Variants in PEX5L observed in about 807,000 individuals in gnomAD.
The protein encoded by PEX5L is peroxisomal biogenesis factor 5 like.
PEX5L carries 30 observed loss-of-function variants against 84.0 expected under a neutral mutation model. That is an observed-to-expected ratio of 0.36 (90% CI 0.27 to 0.48). The LOEUF is 0.48. Ranked by LOEUF, PEX5L falls within the 20% of genes least tolerant of loss-of-function variation. The pLI is 0.99. For synonymous variants in PEX5L, 270 were observed against 283.1 expected, an observed-to-expected ratio of 0.95 and a Z score of 0.46; for missense variants, 533 against 754.6, an observed-to-expected ratio of 0.71 and a Z score of 3.44.
intron 2 of PEX5L, chr3:179,921,606 C>T (rs1332161422): frequency 1.3e-5 from 2 of 152,138 alleles, no homozygotes; most frequent in African/African-American, 2.4e-5. Flanking sequence ...GAGAGACATA[C>T]GTTATCTAAG....
At chr3:179,991,873 G>A (rs1018280406) in intron 1 of PEX5L, among the ~76,000 whole-genome samples, 4 of 152,070 alleles carry the variant, frequency 2.6e-5, no homozygotes, top group African/African-American at 7.2e-5. Flanking sequence ...ACATAACAAA[G>A]TATATTTTCT....
At chr3:179,885,926 C>T (rs893940142) in intron 4 of PEX5L, among the ~76,000 whole-genome samples, 13 of 152,176 alleles carry the variant, frequency 8.5e-5, no homozygotes, top group African/African-American at 3.1e-4. Flanking sequence ...TACTTTGTCA[C>T]AGCAGCCCTA....
At chr3:179,822,865 A>C (rs774276418) in intron 8 of PEX5L, among the ~76,000 whole-genome samples, 7 of 152,228 alleles carry the variant, frequency 4.6e-5, no homozygotes, top group Non-Finnish European at 1.0e-4. Context: ...GATATGCAGC[A>C]TGGTGGTTAA....
At chr3:179,972,182 A>C (rs893384071) in intron 1 of PEX5L, among the ~76,000 whole-genome samples, 6 of 152,168 alleles carry the variant, frequency 3.9e-5, no homozygotes, top group African/African-American at 1.4e-4. Flanking sequence ...CATTGGAAAA[A>C]CCAACTCAGA....
chr3:179,985,976 T>C (rs1786775076), intron 1 of PEX5L, among the ~76,000 whole-genome samples: 1 of 152,116 alleles, frequency 6.6e-6, no homozygotes, highest in Admixed American at 6.5e-5. Context: ...TCAGGGGCTA[T>C]ACTGGTAAGA....
intron 2 of PEX5L, among the ~76,000 whole-genome samples, chr3:179,901,143 C>T (rs1238638716): frequency 6.6e-6 from 1 of 152,120 alleles, no homozygotes; most frequent in Non-Finnish European, 1.5e-5. Flanking sequence ...GGGCTGATGA[C>T]AATATAACTG....
intron 2 of PEX5L, among the ~76,000 whole-genome samples, chr3:179,962,549 A>C (rs575304937): frequency 6.6e-6 from 1 of 152,318 alleles, no homozygotes; most frequent in South Asian, 2.1e-4. Context: ...TCCCCTATTA[A>C]GGTGACTAGA....
At chr3:179,963,228 C>A (rs867694253) in intron 2 of PEX5L, among the ~76,000 whole-genome samples, 2 of 95,338 alleles carry the variant, frequency 2.1e-5, no homozygotes, top group South Asian at 9.0e-4. Context: ...AATGCTAGAA[C>A]CTTGTTTACT....
chr3:180,012,225 G>T (rs941961385), intron 1 of PEX5L, among the ~76,000 whole-genome samples: 3 of 151,810 alleles, frequency 2.0e-5, no homozygotes, highest in Non-Finnish European at 4.4e-5. Flanking sequence ...TGAAGAACAG[G>T]GTTCCTAATT....
rs566078586 is a variant in PEX5L, at chr3:179,920,426, A to G, written c.94-22180T>C. Among the ~76,000 whole-genome samples, 4 of 152,312 alleles carry G rather than the reference A, an allele frequency of 2.6e-5. No individual in the cohort carries two copies. The South Asian group carries it at 8.3e-4, about 32-fold the overall frequency. On this transcript the variant is annotated intron_variant, in intron 2 of 14. Coordinates refer to ENST00000467460, the MANE Select transcript of PEX5L (RefSeq NM_016559.3). ...CTTTAAGTGAGGATCTGAAACATCT[A>G]TTTTTGTGATGCAGAGTTTAAATCA...
chr3:179,998,609 G>A (rs185608988), intron 1 of PEX5L, among the ~76,000 whole-genome samples: 15 of 152,266 alleles, frequency 9.9e-5, no homozygotes, highest in Admixed American at 3.3e-4. Context: ...GAAACTGAAC[G>A]TTTGACAATG....
At chr3:179,883,389 T>G (rs913297097) in intron 4 of PEX5L, among the ~76,000 whole-genome samples, 7 of 152,234 alleles carry the variant, frequency 4.6e-5, no homozygotes, top group Admixed American at 1.3e-4. Context: ...TGTAGCACTT[T>G]GTCCTGTCTT....
At chr3:179,804,833 C>G (rs995414694) in intron 14 of PEX5L, among the ~76,000 whole-genome samples, 8 of 152,120 alleles carry the variant, frequency 5.3e-5, no homozygotes, top group African/African-American at 1.7e-4. Context: ...TTATGTCTCT[C>G]TCTCGCCGGG....
chr3:179,918,721 G>A (rs1371692255), intron 2 of PEX5L, among the ~76,000 whole-genome samples: 1 of 152,180 alleles, frequency 6.6e-6, no homozygotes, highest in Non-Finnish European at 1.5e-5. Context: ...GTGGGCATTT[G>A]AGAATCATTA....
chr3:179,809,577 C>T lies in PEX5L; in HGVS notation c.1246G>A (p.Ala416Thr), dbSNP rs754203314. ...NTGHQQDACD[A>T]LKNWIKQNPK... ...TTTTGCTTAATCCAATTCTTCAGAG[C>T]GTCACAGGCATCCTGCTGATGGCCA... Residue 416 changes from alanine to threonine, a missense_variant, in exon 12 of 15, where the codon GCT becomes ACT. Physicochemically the swap from Ala to Thr is moderately conservative, Grantham distance 58 (BLOSUM62 0). This residue lies in a region of PEX5L where 63 missense variants were observed against 60.2 expected (regional missense o/e 1.05). Transcript: ENST00000467460. The T allele has an allele frequency of 4.3e-6, 7 of 1,613,490 alleles. No homozygotes were observed. Among genetic ancestry groups the T allele is most frequent in the African/African-American group, 2.7e-5 (2 of 74,788 alleles).
intron 9 of PEX5L, among the ~76,000 whole-genome samples, chr3:179,817,535 T>A (rs528879447): frequency 2.6e-5 from 4 of 152,312 alleles, no homozygotes; most frequent in African/African-American, 9.6e-5. Flanking sequence ...ATTTATTAGG[T>A]TAAAGGTTAT....
intron 1 of PEX5L, among the ~76,000 whole-genome samples, chr3:180,034,035 GAATT>G (rs1791683739): frequency 6.6e-6 from 1 of 152,192 alleles, no homozygotes; most frequent in Admixed American, 6.5e-5. Context: ...ATATGTATGA[GAATT>G]AATAGACTTT....
chr3:179,840,586 A>C (rs1274523171), intron 8 of PEX5L, among the ~76,000 whole-genome samples: 1 of 152,106 alleles, frequency 6.6e-6, no homozygotes, highest in Admixed American at 6.5e-5. Flanking sequence ...AGGGAGCAAG[A>C]CTGAAAGGTG....
chr3:179,938,793 G>A (rs1408319664), intron 2 of PEX5L, among the ~76,000 whole-genome samples: 2 of 152,176 alleles, frequency 1.3e-5, no homozygotes, highest in Admixed American at 1.3e-4. Context: ...GGGGCATGCT[G>A]CATTTTGTAA....
Sources: allele counts gnomAD v4.1 joint callset (sites outside exome capture counted in the v4.1 genomes callset), GRCh38; gene constraint gnomAD v4.1.1; regional missense constraint gnomAD v4.1.1; transcripts MANE v1.5; gene names NCBI Gene and HGNC (gene_info 2026-07-23, HGNC 2026-07-21).